The following RBFOX1 variants were observed in gnomAD, a reference collection of about 807,000 sequenced individuals.
RBFOX1 encodes the protein RNA binding fox-1 homolog 1, also known as RNA binding protein fox-1 homolog 1.
A neutral mutation model predicts 57.7 loss-of-function variants in RBFOX1; 8 were observed. The observed-to-expected ratio is 0.14, with a 90% CI of 0.08 to 0.25. The LOEUF is 0.25. RBFOX1 is among the 10% of genes least tolerant of loss of function. The pLI is 1.00. For missense variants in RBFOX1, 611 were observed against 548.5 expected (o/e 1.11, Z -1.14); for synonymous variants, 326 against 222.4 (o/e 1.47, Z -4.15).
chr16:5,316,434 G>C (rs985196440), intron 1 of RBFOX1, among the ~76,000 whole-genome samples: 2 of 152,110 alleles, frequency 1.3e-5, no homozygotes, highest in Non-Finnish European at 2.9e-5. Context: ...GAGATGGTTG[G>C]CGTGGAGCAG....
At chr16:5,284,751 C>G (rs1294860355) in intron 1 of RBFOX1, among the ~76,000 whole-genome samples, 1 of 42,954 alleles carries the variant, frequency 2.3e-5, no homozygotes, top group Non-Finnish European at 5.0e-5. Context: ...GTAGTTTTGG[C>G]TTAGATTTTT....
At chr16:7,384,282 T>C (rs2097841488) in intron 4 of RBFOX1, among the ~76,000 whole-genome samples, 1 of 151,942 alleles carries the variant, frequency 6.6e-6, no homozygotes, top group South Asian at 2.1e-4. Flanking sequence ...TATGTATGAA[T>C]ATGAAAAGCA....
intron 2 of RBFOX1, among the ~76,000 whole-genome samples, chr16:5,518,104 T>C (rs74663133): frequency 0.071 from 10,762 of 152,218 alleles, 602 homozygotes; most frequent in Non-Finnish European, 0.11. Flanking sequence ...TTGTTGCTGT[T>C]ATGCAGCTGC....
chr16:6,245,535 G>C (rs112771230), intron 1 of RBFOX1, among the ~76,000 whole-genome samples: 5 of 152,294 alleles, frequency 3.3e-5, no homozygotes, highest in African/African-American at 1.2e-4. Context: ...ACGGTCTGCA[G>C]TGCAACATCT....
intron 3 of RBFOX1, among the ~76,000 whole-genome samples, chr16:6,803,962 C>T (rs927868698): frequency 6.6e-6 from 1 of 152,034 alleles, no homozygotes; most frequent in African/African-American, 2.4e-5. Context: ...CTAATATTTG[C>T]ACGTTATAAC....
At chr16:5,986,357 T>C (rs2098080) in intron 4 of RBFOX1, among the ~76,000 whole-genome samples, 103,071 of 152,178 alleles carry the variant, frequency 0.68, 35,946 homozygotes, top group African/African-American at 0.85. Context: ...AGCCATCGCG[T>C]CCAGACTGTT....
intron 1 of RBFOX1, among the ~76,000 whole-genome samples, chr16:5,291,326 G>A (rs573242360): frequency 1.4e-5 from 2 of 143,620 alleles, no homozygotes; most frequent in Non-Finnish European, 3.0e-5. Context: ...GCAGTGACGC[G>A]ATCTCTGCTC....
chr16:6,386,674 A>G (rs948151397), intron 2 of RBFOX1, among the ~76,000 whole-genome samples: 67 of 152,248 alleles, frequency 4.4e-4, no homozygotes, highest in African/African-American at 1.5e-3. Context: ...TCCAGTTGTT[A>G]AAATAGTGTC....
chr16:7,001,962 C>T (rs1412037771), intron 3 of RBFOX1, among the ~76,000 whole-genome samples: 1 of 152,016 alleles, frequency 6.6e-6, no homozygotes, highest in African/African-American at 2.4e-5. Context: ...TTCTTGTGCA[C>T]ACGATTGAGC....
At chr16:6,477,444 C>T (rs1052216589) in intron 2 of RBFOX1, among the ~76,000 whole-genome samples, 1 of 152,140 alleles carries the variant, frequency 6.6e-6, no homozygotes, top group Non-Finnish European at 1.5e-5. Flanking sequence ...TTCCGGTGAC[C>T]AGATGTGTTG....
At chr16:7,152,742 T>A (rs1043844093) in intron 4 of RBFOX1, among the ~76,000 whole-genome samples, 2 of 152,194 alleles carry the variant, frequency 1.3e-5, no homozygotes, top group Admixed American at 1.3e-4. Flanking sequence ...GGAAAAATAG[T>A]TTAGAATTGT....
intron 4 of RBFOX1, among the ~76,000 whole-genome samples, chr16:7,495,259 A>G (rs2068246151): frequency 6.6e-6 from 1 of 152,190 alleles, no homozygotes. Flanking sequence ...TGCTGTTGTG[A>G]ATATTACAGT....
intron 2 of RBFOX1, among the ~76,000 whole-genome samples, chr16:6,349,189 G>T (rs2085864572): frequency 6.6e-6 from 1 of 152,080 alleles, no homozygotes; most frequent in African/African-American, 2.4e-5. Context: ...GACAGGTTTA[G>T]AGCAGCCAGA....
chr16:5,473,298 G>T (rs2069200849), intron 2 of RBFOX1, among the ~76,000 whole-genome samples: 1 of 151,970 alleles, frequency 6.6e-6, no homozygotes, highest in Non-Finnish European at 1.5e-5. Context: ...TATTTGTTAG[G>T]TGAGAAACAG....
At chr16:6,642,917 T>C (rs1033798904) in intron 2 of RBFOX1, among the ~76,000 whole-genome samples, 1 of 152,180 alleles carries the variant, frequency 6.6e-6, no homozygotes, top group African/African-American at 2.4e-5. Context: ...TGTTGAGATT[T>C]TACTTAGTTT....
At chr16:7,361,432 G>T (rs866359700) in intron 4 of RBFOX1, among the ~76,000 whole-genome samples, 2 of 152,160 alleles carry the variant, frequency 1.3e-5, no homozygotes, top group Non-Finnish European at 2.9e-5. Flanking sequence ...CCTAAAGCTT[G>T]AAAGAACGGT....
intron 4 of RBFOX1, among the ~76,000 whole-genome samples, chr16:7,366,323 C>G (rs774649428): frequency 2.0e-5 from 3 of 152,222 alleles, no homozygotes; most frequent in Non-Finnish European, 4.4e-5. Context: ...GTTGAGCACC[C>G]TGGCTGAAAA....
At chr16:7,109,862 T>G (rs937207491) in intron 4 of RBFOX1, among the ~76,000 whole-genome samples, 2 of 152,118 alleles carry the variant, frequency 1.3e-5, no homozygotes, top group Admixed American at 1.3e-4. Context: ...TAGGACCAGG[T>G]CACTAGCATT....
intron 3 of RBFOX1, chr16:5,610,381 A>G (rs924660840): frequency 6.6e-6 from 1 of 152,278 alleles, no homozygotes; most frequent in African/African-American, 2.4e-5. Flanking sequence ...GTTTAACAGA[A>G]GAGCAAGTTG....
Sources: allele counts gnomAD v4.1 joint callset (sites outside exome capture counted in the v4.1 genomes callset), GRCh38; gene constraint gnomAD v4.1.1; transcripts MANE v1.5; gene names NCBI Gene and HGNC (gene_info 2026-07-23, HGNC 2026-07-21).